LONRF1: variants seen among roughly 807,000 people sequenced by gnomAD.
The protein encoded by LONRF1 is LON peptidase N-terminal domain and RING finger protein 1.
In LONRF1, 37 loss-of-function variants were observed where a neutral mutation model predicts 85.8. The ratio of observed to expected loss-of-function variants is 0.43; its 90% CI spans 0.33 to 0.57. The LOEUF is 0.57. Ranked by LOEUF, LONRF1 falls within the 20% of genes least tolerant of loss-of-function variation. The pLI is 0.04. For missense variants in LONRF1, 1,036 were observed against 978.0 expected, an observed-to-expected ratio of 1.06 and a Z score of -0.79; for synonymous variants, 517 against 390.1, an observed-to-expected ratio of 1.33 and a Z score of -3.83.
chr8:12,748,954 A>C (rs1799272922), intron 1 of LONRF1, among the ~76,000 whole-genome samples: 1 of 152,162 alleles, frequency 6.6e-6, no homozygotes, highest in Non-Finnish European at 1.5e-5. Context: ...AAGATCATTA[A>C]CACTAGATTC....
At chr8:12,744,220 G>A (rs1799053764) in intron 1 of LONRF1, among the ~76,000 whole-genome samples, 1 of 152,008 alleles carries the variant, frequency 6.6e-6, no homozygotes, top group Non-Finnish European at 1.5e-5. Context: ...ATAGCTGCCG[G>A]GTTTACTCTA....
chr8:12,737,480 TTATAA>T, intron 4 of LONRF1: 1 of 396,228 alleles, frequency 2.5e-6, no homozygotes, highest in Non-Finnish European at 4.8e-6. Flanking sequence ...GTATTAGGTA[TTATAA>T]GTAACCTAGA....
intron 8 of LONRF1, among the ~76,000 whole-genome samples, chr8:12,730,067 A>G (rs1798469523): frequency 6.6e-6 from 1 of 152,204 alleles, no homozygotes; most frequent in African/African-American, 2.4e-5. Flanking sequence ...TTTCAGACAT[A>G]AGCAGGCAAG....
At position 12,736,956 on chromosome 8, in the gene LONRF1, A is replaced by G. The variant is rs967681385; in HGVS notation, c.1298T>C (p.Leu433Ser). Residue 433 changes from leucine to serine, a missense_variant, in exon 5 of 12, where the codon TTA (leucine) becomes TCA (serine). Around this residue, in one of 3 missense-constraint regions of LONRF1, gnomAD observed 742 missense variants for 614.4 expected, o/e 1.21. Coordinates refer to ENST00000398246, the MANE Select transcript of LONRF1 (RefSeq NM_152271.5). ...GVLLKRKLSL[L>S]EQDVIVNEDG... ...TTCATTTACAATCACATCCTGTTCT[A>G]AAAGAGACAACTTTCTTTTCAGCAG... 1 of 1,613,436 alleles carries G rather than the reference A, an allele frequency of 6.2e-7. No homozygotes were observed.
intron 11 of LONRF1, among the ~76,000 whole-genome samples, chr8:12,723,927 T>C (rs113800172): frequency 0.022 from 3,368 of 152,304 alleles, 125 homozygotes; most frequent in African/African-American, 0.077. Context: ...GGCTGACTAT[T>C]GGCTATTGAA....
In LONRF1 at chr8:12,722,988, G is replaced by C; in HGVS notation, c.*108C>G. 1.8e-6 allele frequency: 2 copies of C among 1,101,192 alleles called. No individual in the cohort carries two copies. Among genetic ancestry groups the C allele is most frequent in the East Asian group, 2.5e-5 (1 of 40,652 alleles). The allele number at this position is 1,101,192 out of a possible 1,614,324, so 68.2% of individuals were successfully genotyped here. On this transcript the variant is annotated 3_prime_UTR_variant, in exon 12 of 12. Transcript: ENST00000398246. ...TCAGGAGGTCGAAGGAAAAAGAAAA[G>C]TTTCATTAAATTTCTGAAACCAGCA...
intron 1 of LONRF1, 110 bp downstream of exon 1, chr8:12,754,590 C>T (rs985214961): frequency 5.1e-6 from 6 of 1,187,618 alleles, no homozygotes; most frequent in Middle Eastern, 3.3e-4. Flanking sequence ...GGCCCAGCGG[C>T]CCCGGGGAAG....
At position 12,755,287 on chromosome 8, in the gene LONRF1, G is replaced by A. The variant is rs570906696; in HGVS notation, c.134C>T (p.Ser45Leu). 1.6e-6 allele frequency: 2 copies of A among 1,245,222 alleles called. No individual in the cohort carries two copies. Among genetic ancestry groups the A allele is most frequent in the South Asian group, 2.8e-5 (1 of 35,590 alleles). 77.1% of individuals were successfully genotyped at this position (1,245,222 alleles called of 1,614,324 possible). A position where few individuals can be genotyped will look rare whatever the true frequency, so the allele number is the denominator to read the frequency against. ...GCGGAGCAGCAGCTCCCAGCGCTCC[G>A]ACTCCGCGGCCGCGCGCTCCAGCCG... ...GHRLERAAAE[S>L]ERWELLLRRG... The change falls in exon 1 of 12, where the codon TCG becomes TTG. Residue 45 changes from serine to leucine, a missense_variant. Ser to Leu is a moderately radical substitution (Grantham distance 145). Coordinates refer to ENST00000398246, the MANE Select transcript of LONRF1 (RefSeq NM_152271.5).
intron 1 of LONRF1, among the ~76,000 whole-genome samples, chr8:12,751,296 G>GGTTTTTTTTTGTTTGT (rs1365011980): frequency 5.5e-4 from 38 of 69,536 alleles, no homozygotes; most frequent in African/African-American, 9.8e-4. Context: ...TTATTTTTAT[G>GGTTTTTTTTTGTTTGT]TTTTTTTTTT....
chr8:12,730,717 C>T (rs1225896690), intron 8 of LONRF1, among the ~76,000 whole-genome samples: 1 of 152,142 alleles, frequency 6.6e-6, no homozygotes, highest in Non-Finnish European at 1.5e-5. Context: ...ATAAACCACA[C>T]AATAAAATAT....
At chr8:12,730,558 C>T (rs1196590151) in intron 8 of LONRF1, among the ~76,000 whole-genome samples, 1 of 151,236 alleles carries the variant, frequency 6.6e-6, no homozygotes, top group Non-Finnish European at 1.5e-5. Context: ...CTCTGTGTGT[C>T]TCCCTCCTCT....
chr8:12,732,491 T>C (rs924211264), intron 7 of LONRF1, among the ~76,000 whole-genome samples: 1 of 152,162 alleles, frequency 6.6e-6, no homozygotes, highest in Non-Finnish European at 1.5e-5. Flanking sequence ...CTATATAAAA[T>C]CTTACATTTG....
chr8:12,746,401 T>C (rs569589380), intron 1 of LONRF1, among the ~76,000 whole-genome samples: 1 of 152,278 alleles, frequency 6.6e-6, no homozygotes, highest in East Asian at 1.9e-4. Flanking sequence ...TCATGCCTCA[T>C]TCCTGTGCTG....
chr8:12,740,701 G>A (rs894338313), intron 3 of LONRF1, among the ~76,000 whole-genome samples, 173 bp downstream of exon 3: 2 of 152,118 alleles, frequency 1.3e-5, no homozygotes, highest in Non-Finnish European at 2.9e-5. Flanking sequence ...ATTTCACTAA[G>A]AACTCAATAT....
intron 5 of LONRF1, 24 bp downstream of exon 5, chr8:12,736,876 A>G (rs188787019): frequency 2.7e-5 from 42 of 1,583,804 alleles, no homozygotes; most frequent in South Asian, 1.0e-4. Context: ...TTTATTTTAT[A>G]TAAGTGTAGA....
At chr8:12,726,360 G>C (rs1798304447) in intron 10 of LONRF1, among the ~76,000 whole-genome samples, 1 of 152,158 alleles carries the variant, frequency 6.6e-6, no homozygotes, top group Non-Finnish European at 1.5e-5. Context: ...CTTTTACTAG[G>C]GAACTGGGTC....
intron 10 of LONRF1, among the ~76,000 whole-genome samples, chr8:12,728,064 TA>T (rs1479952623): frequency 6.6e-6 from 1 of 152,332 alleles, no homozygotes; most frequent in Admixed American, 6.5e-5. Context: ...TGAAAATACC[TA>T]ATGCCAATAT....
chr8:12,751,717 T>G (rs1437684233), intron 1 of LONRF1, among the ~76,000 whole-genome samples: 3 of 150,430 alleles, frequency 2.0e-5, no homozygotes, highest in Non-Finnish European at 4.4e-5. Context: ...CTGTACAAAC[T>G]GTAAATTATA....
chr8:12,737,675 T>A (rs1207448116), intron 4 of LONRF1, among the ~76,000 whole-genome samples: 1 of 152,180 alleles, frequency 6.6e-6, no homozygotes. Context: ...AGGTGACTTA[T>A]GTTATAATGA....
Sources: gnomAD v4.1 joint callset for allele counts (sites outside exome capture counted in the v4.1 genomes callset) on GRCh38, gnomAD v4.1.1 for gene constraint, gnomAD v4.1.1 regional missense constraint, MANE v1.5 for transcripts, NCBI Gene and HGNC (gene_info 2026-07-23, HGNC 2026-07-21) for gene names.